SLC25A24: variants seen among roughly 807,000 people sequenced by gnomAD.
The protein encoded by SLC25A24 is solute carrier family 25 member 24, also known as mitochondrial adenyl nucleotide antiporter SLC25A24.
In SLC25A24, 49 loss-of-function variants were observed where a neutral mutation model predicts 60.7. The ratio of observed to expected loss-of-function variants is 0.81; its 90% confidence interval spans 0.64 to 1.02. The LOEUF (loss-of-function observed/expected upper bound fraction) is 1.02, where lower values mean the gene tolerates loss of function less well. Among genes scored for constraint, SLC25A24 ranks in the 50% least tolerant of loss-of-function variants. The probability of loss-of-function intolerance (pLI) is 0.00; values close to 1 mark genes in which losing one functional copy is unlikely to be tolerated. For synonymous variants in SLC25A24, 202 were observed against 200.6 expected, an observed-to-expected ratio of 1.01 and a Z score of -0.06; for missense variants, 564 against 586.3, an observed-to-expected ratio of 0.96 and a Z score of 0.39.
intron 3 of SLC25A24, 90 bp downstream of exon 3, chr1:108,181,851 G>T: frequency 1.2e-6 from 1 of 861,374 alleles, no homozygotes; most frequent in South Asian, 1.4e-5. Context: ...GAAGACTAGG[G>T]AGGTGTTTTA....
intron 7 of SLC25A24, among the ~76,000 whole-genome samples, chr1:108,145,302 C>A (rs1403626132): frequency 6.6e-6 from 1 of 151,988 alleles, no homozygotes; most frequent in Admixed American, 6.6e-5. Flanking sequence ...CTTATAGATT[C>A]TGGATATTAG....
intron 4 of SLC25A24, among the ~76,000 whole-genome samples, chr1:108,160,135 G>A (rs990438321): frequency 6.6e-6 from 1 of 151,972 alleles, no homozygotes; most frequent in African/African-American, 2.4e-5. Context: ...TGGCTGCCGG[G>A]CGGAGACGCT....
intron 7 of SLC25A24, among the ~76,000 whole-genome samples, chr1:108,145,181 C>A (rs540490996): frequency 6.6e-6 from 1 of 152,264 alleles, no homozygotes; most frequent in Admixed American, 6.5e-5. Context: ...GGATGATGAG[C>A]CTTTTCTCAC....
chr1:108,165,275 T>C (rs1314625229), intron 3 of SLC25A24, among the ~76,000 whole-genome samples: 1 of 152,166 alleles, frequency 6.6e-6, no homozygotes, highest in Non-Finnish European at 1.5e-5. Context: ...TTCTGTTGAT[T>C]TGGGGTGCAG....
At chr1:108,196,452 A>G (rs919407765) in intron 1 of SLC25A24, among the ~76,000 whole-genome samples, 2 of 152,222 alleles carry the variant, frequency 1.3e-5, no homozygotes, top group Admixed American at 1.3e-4. Flanking sequence ...TAAGAAAGTA[A>G]AGCTCCAGTA....
At chr1:108,176,724 T>C (rs956331393) in intron 3 of SLC25A24, among the ~76,000 whole-genome samples, 7 of 152,106 alleles carry the variant, frequency 4.6e-5, no homozygotes, top group Admixed American at 2.6e-4. Context: ...AGGGATGATA[T>C]ATTTAAAGCG....
intron 1 of SLC25A24, 103 bp from the exon 2 acceptor site, chr1:108,186,057 T>C (rs903987247): frequency 3.9e-5 from 34 of 864,160 alleles, no homozygotes; most frequent in Admixed American, 7.1e-5. Flanking sequence ...TAAAAGACTA[T>C]AGTACCTATT....
At chr1:108,159,891 C>T (rs11185289) in intron 4 of SLC25A24, among the ~76,000 whole-genome samples, 73,444 of 147,878 alleles carry the variant, frequency 0.5, 18,696 homozygotes, top group African/African-American at 0.62. Flanking sequence ...AGCAACCATC[C>T]GATTTCTCAA....
chr1:108,137,252 G>GTGC lies in SLC25A24; in HGVS notation c.1250-418_1250-416dup, dbSNP rs534649087. On this transcript the variant is annotated intron_variant, in intron 9 of 9. Transcript: ENST00000565488. ...CTGGTACACTTTCCACCACCCCACA[G>GTGC]TGCTGCTGCTGCCTCCTTCTTACTA... 1.6e-3 allele frequency among the ~76,000 whole-genome samples: 251 copies of GTGC among 152,266 alleles called. 1 individual carries two copies. The highest frequency in any genetic ancestry group is 5.7e-3 in the African/African-American group (237 of 41,546).
At chr1:108,158,250 C>A (rs942111225) in intron 4 of SLC25A24, among the ~76,000 whole-genome samples, 1 of 151,998 alleles carries the variant, frequency 6.6e-6, no homozygotes, top group African/African-American at 2.4e-5. Context: ...AATCATCACC[C>A]CTTCAACCTA....
chr1:108,180,849 TTC>T (rs1647901149), intron 3 of SLC25A24, among the ~76,000 whole-genome samples: 1 of 152,202 alleles, frequency 6.6e-6, no homozygotes, highest in East Asian at 1.9e-4. Flanking sequence ...AAGCTAATAC[TTC>T]TTAGTCTATT....
In SLC25A24 at chr1:108,175,911, G is replaced by A. The variant is rs142869700; in HGVS notation, c.398+6030C>T. ...TGAAGGGCATTCTCAGACAAAGCCA[G>A]TCTGCAAAGACTGAAATAAGTGCCT... On this transcript the variant is annotated intron_variant, in intron 3 of 9. Transcript: ENST00000565488. 4.3e-3 allele frequency among the ~76,000 whole-genome samples: 654 copies of A among 152,292 alleles called. 1 individual carries two copies. Among genetic ancestry groups the A allele is most frequent in the Non-Finnish European group, 6.5e-3 (440 of 68,022 alleles).
In SLC25A24 at chr1:108,148,370, G is replaced by T. The variant is rs767074752; in HGVS notation, c.839C>A (p.Thr280Asn). ...WAYEQYKKLL[T>N]EEGQKIGTFE... Reference sequence around the variant, plus strand: ...TGTTCCTATTTTTTGTCCTTCTTCAGTAAGTAACTTCTTGTACTGTATAAA... The same window carrying T: ...TGTTCCTATTTTTTGTCCTTCTTCATTAAGTAACTTCTTGTACTGTATAAA... Residue 280 changes from threonine to asparagine, a missense_variant, in exon 7 of 10, where the codon ACT becomes AAT. Thr to Asn is a moderately conservative substitution (Grantham distance 65, BLOSUM62 0). Transcript: ENST00000565488. 4.4e-6 allele frequency: 7 copies of T among 1,605,224 alleles called. No individual in the cohort carries two copies. The highest frequency in any genetic ancestry group is 4.3e-6 in the Non-Finnish European group (5 of 1,172,148).
chr1:108,190,222 T>C (rs1648300954), intron 1 of SLC25A24, among the ~76,000 whole-genome samples: 1 of 152,164 alleles, frequency 6.6e-6, no homozygotes, highest in Non-Finnish European at 1.5e-5. Flanking sequence ...TGGGGGCTGC[T>C]GGCCTGGGGA....
rs369027247 is a variant in SLC25A24 at position 108,193,598 on chromosome 1, A to G, written c.183+6358T>C. Among the ~76,000 whole-genome samples, 8 of 139,712 alleles carry G rather than the reference A, an allele frequency of 5.7e-5. 3 individuals carry two copies. In the East Asian group the frequency reaches 1.3e-3, roughly 23 times the overall value. 91.7% of individuals were successfully genotyped at this position (139,712 alleles called of 152,430 possible). A position where few individuals can be genotyped will look rare whatever the true frequency, so the allele number is the denominator to read the frequency against. On this transcript the variant is annotated intron_variant, in intron 1 of 9. Transcript: ENST00000565488. The stretch of plus-strand genomic sequence containing the variant: ...CAATCTGCTGCTGATGGGTACCTAC[A>G]TTGTGTTGTAGGAATCCTTTTCTAA...
chr1:108,172,276 C>T (rs1647490798), intron 3 of SLC25A24, among the ~76,000 whole-genome samples: 1 of 152,206 alleles, frequency 6.6e-6, no homozygotes, highest in African/African-American at 2.4e-5. Flanking sequence ...CTCTTACACC[C>T]TGATGACCCA....
At chr1:108,181,865 C>T in intron 3 of SLC25A24, 76 bp downstream of exon 3, 1 of 1,071,376 alleles carries the variant, frequency 9.3e-7, no homozygotes. Flanking sequence ...TGTTTTAAAG[C>T]CACACTTACA....
chr1:108,177,446 T>C (rs1647717492), intron 3 of SLC25A24, among the ~76,000 whole-genome samples: 1 of 152,134 alleles, frequency 6.6e-6, no homozygotes, highest in South Asian at 2.1e-4. Context: ...ATGGATTAAA[T>C]TATCCAATCA....
chr1:108,135,192 T>C lies in SLC25A24; in HGVS notation c.*1461A>G, dbSNP rs1476162854. On this transcript the variant is annotated 3_prime_UTR_variant, in exon 10 of 10. Transcript: ENST00000565488. ...CAGGCTTATCATATTATAAAAATACTGAGACATTTATCAAACATAACTAAT... is the reference window on the plus strand; with the variant it reads ...CAGGCTTATCATATTATAAAAATACCGAGACATTTATCAAACATAACTAAT... 4 of 152,538 alleles carry C rather than the reference T, an allele frequency of 2.6e-5. No homozygotes were observed. Among genetic ancestry groups the C allele is most frequent in the Non-Finnish European group, 5.9e-5 (4 of 67,988 alleles). 9.4% of individuals were successfully genotyped at this position (152,538 alleles called of 1,614,324 possible). A position where few individuals can be genotyped will look rare whatever the true frequency, so the allele number is the denominator to read the frequency against.
Sources: gnomAD v4.1 joint callset for allele counts (sites outside exome capture counted in the v4.1 genomes callset) on GRCh38, gnomAD v4.1.1 for gene constraint, MANE v1.5 for transcripts, NCBI Gene and HGNC (gene_info 2026-07-23, HGNC 2026-07-21) for gene names.